The following SYNDIG1 variants were observed in gnomAD, a reference collection of about 807,000 sequenced individuals.
The protein encoded by SYNDIG1 is synapse differentiation inducing 1, also known as synapse differentiation-inducing gene protein 1.
A neutral mutation model predicts 19.4 loss-of-function variants in SYNDIG1; 9 were observed. The ratio of observed to expected loss-of-function variants is 0.46; its 90% CI spans 0.28 to 0.81. SYNDIG1 has a LOEUF of 0.81. Among genes scored for constraint, SYNDIG1 ranks in the 30% least tolerant of loss-of-function variants. The pLI is 0.12. For synonymous variants in SYNDIG1, 141 were observed against 145.9 expected (o/e 0.97, Z 0.24); for missense variants, 311 against 343.3 (o/e 0.91, Z 0.74).
intron 3 of SYNDIG1, among the ~76,000 whole-genome samples, chr20:24,592,251 G>T (rs893044048): frequency 1.3e-5 from 2 of 152,196 alleles, no homozygotes; most frequent in African/African-American, 4.8e-5. Context: ...GTGAAAACTT[G>T]TCACTCAAGT....
intron 2 of SYNDIG1, among the ~76,000 whole-genome samples, chr20:24,571,773 T>A (rs1457043617): frequency 6.6e-6 from 1 of 152,244 alleles, no homozygotes; most frequent in Non-Finnish European, 1.5e-5. Context: ...TTTACTATAA[T>A]TTGGTTTTAC....
chr20:24,611,795 A>C (rs1332034381), intron 3 of SYNDIG1, among the ~76,000 whole-genome samples: 1 of 152,182 alleles, frequency 6.6e-6, no homozygotes, highest in African/African-American at 2.4e-5. Context: ...ATCTCCTTTG[A>C]GCATTCTAAG....
Position 24,516,760 on chromosome 20 carries a change from C to T in SYNDIG1, c.-78-26260C>T, listed in dbSNP as rs532545069. On this transcript the variant is annotated intron_variant, in intron 1 of 3. Coordinates refer to ENST00000376862, the MANE Select transcript of SYNDIG1 (RefSeq NM_024893.3). ...TCAACCATTGTAGAAGACAGTATGG[C>T]GATTCCTCAAGGATCTAGAACTAGA... Among the ~76,000 whole-genome samples, 9 of 152,244 alleles carry T rather than the reference C, an allele frequency of 5.9e-5. No homozygotes were observed. In the East Asian group the frequency reaches 1.4e-3, roughly 23 times the overall value.
chr20:24,526,275 T>A (rs1174822301), intron 1 of SYNDIG1, among the ~76,000 whole-genome samples: 1 of 151,108 alleles, frequency 6.6e-6, no homozygotes, highest in African/African-American at 2.4e-5. Context: ...TTTGGCCAAC[T>A]TTTTTTTTAT....
intron 2 of SYNDIG1, among the ~76,000 whole-genome samples, chr20:24,557,645 T>C (rs1394183884): frequency 5.3e-5 from 8 of 152,216 alleles, no homozygotes; most frequent in African/African-American, 1.9e-4. Context: ...CGAATGCTGC[T>C]GTCTGATCGT....
intron 1 of SYNDIG1, among the ~76,000 whole-genome samples, chr20:24,527,646 G>C (rs1011417520): frequency 4.6e-5 from 7 of 151,818 alleles, no homozygotes; most frequent in African/African-American, 1.7e-4. Flanking sequence ...GGCTAAATTG[G>C]GGAGGGGGTC....
At chr20:24,486,975 C>T (rs1256322178) in intron 1 of SYNDIG1, among the ~76,000 whole-genome samples, 1 of 152,040 alleles carries the variant, frequency 6.6e-6, no homozygotes, top group Non-Finnish European at 1.5e-5. Flanking sequence ...GCATTTCTAA[C>T]AAGTGCCAGT....
chr20:24,637,076 C>T (rs758481440), intron 3 of SYNDIG1, among the ~76,000 whole-genome samples: 6 of 152,226 alleles, frequency 3.9e-5, no homozygotes, highest in Non-Finnish European at 4.4e-5. Flanking sequence ...CCTGCAGCCA[C>T]GGGCAGGGCC....
intron 2 of SYNDIG1, among the ~76,000 whole-genome samples, chr20:24,558,717 C>T (rs2057876293): frequency 6.6e-6 from 1 of 152,082 alleles, no homozygotes; most frequent in Admixed American, 6.6e-5. Flanking sequence ...TTAGTATTGT[C>T]TCTGCAAATT....
At chr20:24,524,915 C>T (rs2057089487) in intron 1 of SYNDIG1, among the ~76,000 whole-genome samples, 1 of 152,106 alleles carries the variant, frequency 6.6e-6, no homozygotes, top group South Asian at 2.1e-4. Context: ...AGCTTCTGCT[C>T]TTACCTTATT....
chr20:24,648,836 G>C (rs528631704), intron 3 of SYNDIG1, among the ~76,000 whole-genome samples: 1 of 152,250 alleles, frequency 6.6e-6, no homozygotes, highest in African/African-American at 2.4e-5. Context: ...GGAGGCCGGC[G>C]TCTGCAGAGG....
intron 1 of SYNDIG1, among the ~76,000 whole-genome samples, chr20:24,482,949 A>G (rs144532827): frequency 2.5e-4 from 38 of 152,354 alleles, no homozygotes; most frequent in Non-Finnish European, 2.9e-4. Context: ...GAATGGAAAT[A>G]GGAACTTCCA....
Position 24,625,966 on chromosome 20 carries a change from G to A in SYNDIG1, c.619-39380G>A, listed in dbSNP as rs538782419. On this transcript the variant is annotated intron_variant, in intron 3 of 3. Transcript: ENST00000376862. ...CGGGCAGAGGCGCCCCTCACCTCCC[G>A]GATGGGGCGGCTGGCCAGGCGGGGG... 9.4e-3 allele frequency among the ~76,000 whole-genome samples: 1,404 copies of A among 148,968 alleles called. 26 individuals carry two copies. Among genetic ancestry groups the A allele is most frequent in the African/African-American group, 0.033 (1,319 of 40,520 alleles).
At chr20:24,516,127 G>A (rs1053936295) in intron 1 of SYNDIG1, among the ~76,000 whole-genome samples, 2 of 152,212 alleles carry the variant, frequency 1.3e-5, no homozygotes, top group African/African-American at 4.8e-5. Flanking sequence ...GGGAAAACTG[G>A]CTAGCCATAT....
At chr20:24,473,248 AG>A (rs2055521647) in intron 1 of SYNDIG1, among the ~76,000 whole-genome samples, 2 of 152,156 alleles carry the variant, frequency 1.3e-5, no homozygotes, top group African/African-American at 4.8e-5. Context: ...AAGTTGCATA[AG>A]GTCATTTTGG....
intron 2 of SYNDIG1, among the ~76,000 whole-genome samples, chr20:24,572,761 G>C (rs146282407): frequency 6.6e-6 from 1 of 152,190 alleles, no homozygotes; most frequent in Non-Finnish European, 1.5e-5. Flanking sequence ...GTTGTATACT[G>C]TATCTTTCCA....
intron 2 of SYNDIG1, among the ~76,000 whole-genome samples, chr20:24,565,022 C>T (rs1449571803): frequency 1.3e-5 from 2 of 152,146 alleles, no homozygotes; most frequent in Admixed American, 6.5e-5. Flanking sequence ...AATGAGGTAC[C>T]TGCTATTGTT....
intron 1 of SYNDIG1, among the ~76,000 whole-genome samples, chr20:24,519,830 C>T (rs374879728): frequency 8.0e-4 from 121 of 151,864 alleles, no homozygotes; most frequent in African/African-American, 2.3e-3. Context: ...CACGCACGCA[C>T]GCGCACATGC....
intron 1 of SYNDIG1, among the ~76,000 whole-genome samples, chr20:24,526,119 G>T (rs1228868884): frequency 1.3e-5 from 2 of 151,880 alleles, no homozygotes; most frequent in Admixed American, 6.6e-5. Context: ...TATGCTTTAG[G>T]TCTATCTCTT....
Sources: allele counts gnomAD v4.1 joint callset (sites outside exome capture counted in the v4.1 genomes callset), GRCh38; gene constraint gnomAD v4.1.1; transcripts MANE v1.5; gene names NCBI Gene and HGNC (gene_info 2026-07-23, HGNC 2026-07-21).